The following COG5 variants were observed in gnomAD, a reference collection of about 807,000 sequenced individuals.
COG5 encodes component of oligomeric golgi complex 5.
Under a neutral mutation model 110.4 loss-of-function variants are expected in COG5, and 86 were observed. The observed-to-expected ratio is 0.78, with a 90% CI of 0.65 to 0.93. The LOEUF is 0.93. Ranked by LOEUF, COG5 falls within the 40% of genes least tolerant of loss-of-function variation. The pLI is 0.00. For synonymous variants in COG5, 360 were observed against 334.6 expected, an observed-to-expected ratio of 1.08 and a Z score of -0.83; for missense variants, 1,077 against 987.0, an observed-to-expected ratio of 1.09 and a Z score of -1.22.
At chr7:107,415,350 C>G (rs530373632) in intron 6 of COG5, among the ~76,000 whole-genome samples, 1 of 151,978 alleles carries the variant, frequency 6.6e-6, no homozygotes, top group South Asian at 2.1e-4. Flanking sequence ...CTGAAAAAGA[C>G]TGAAAAGTTT....
intron 6 of COG5, among the ~76,000 whole-genome samples, chr7:107,430,022 C>T (rs139147205): frequency 7.9e-5 from 12 of 152,288 alleles, no homozygotes; most frequent in African/African-American, 2.6e-4. Context: ...GTGTCAGATA[C>T]ATGATTTAAA....
chr7:107,362,474 T>C (rs1238534711), intron 8 of COG5, 54 bp from the exon 9 acceptor site: 4 of 1,017,006 alleles, frequency 3.9e-6, no homozygotes, highest in African/African-American at 3.2e-5. Context: ...AAGGCAAATA[T>C]ATATATATAT....
intron 11 of COG5, among the ~76,000 whole-genome samples, chr7:107,319,200 A>C (rs905748179): frequency 4.0e-5 from 6 of 151,390 alleles, no homozygotes; most frequent in Admixed American, 1.3e-4. Context: ...CTGTCCATTT[A>C]TCTCATTATA....
At chr7:107,500,495 T>C (rs1360508185) in intron 6 of COG5, among the ~76,000 whole-genome samples, 1 of 152,182 alleles carries the variant, frequency 6.6e-6, no homozygotes, top group African/African-American at 2.4e-5. Context: ...CCATAAGATA[T>C]ATCCCTAGAT....
chr7:107,240,981 G>T (rs1801577915), intron 17 of COG5, among the ~76,000 whole-genome samples: 1 of 152,140 alleles, frequency 6.6e-6, no homozygotes, highest in South Asian at 2.1e-4. Flanking sequence ...AAAAAAATAC[G>T]GACAATGTTA....
At chr7:107,423,422 T>G (rs1254543751) in intron 6 of COG5, among the ~76,000 whole-genome samples, 4 of 152,120 alleles carry the variant, frequency 2.6e-5, no homozygotes, top group African/African-American at 9.7e-5. Flanking sequence ...TGAGTTGATC[T>G]AGAACATTAA....
intron 8 of COG5, among the ~76,000 whole-genome samples, chr7:107,366,076 T>C (rs1018409055): frequency 7.2e-5 from 11 of 151,962 alleles, no homozygotes; most frequent in Non-Finnish European, 1.3e-4. Context: ...GATAAACATA[T>C]ATCACCAAAG....
chr7:107,471,649 T>C (rs1423208111), intron 6 of COG5: 4 of 152,074 alleles, frequency 2.6e-5, no homozygotes, highest in African/African-American at 9.7e-5. Context: ...GTTTATACTT[T>C]CATATACCAG....
chr7:107,513,328 C>T (rs924480569), intron 6 of COG5, among the ~76,000 whole-genome samples: 6 of 151,810 alleles, frequency 4.0e-5, no homozygotes, highest in African/African-American at 1.5e-4. Flanking sequence ...CAGAGAAATG[C>T]AAATCAAAAC....
intron 6 of COG5, among the ~76,000 whole-genome samples, chr7:107,442,870 T>G (rs1029499483): frequency 2.6e-5 from 4 of 152,142 alleles, no homozygotes; most frequent in Non-Finnish European, 5.9e-5. Context: ...TGTAATAAAA[T>G]AGCTGACCTA....
chr7:107,391,338 A>T (rs1169231707), intron 7 of COG5, among the ~76,000 whole-genome samples: 2 of 151,868 alleles, frequency 1.3e-5, no homozygotes, highest in Admixed American at 6.6e-5. Context: ...TGCGGGAGGG[A>T]CCCCTGCAGA....
rs557015604 is a variant in COG5, at chr7:107,264,801, A to G, written c.1576-6418T>C. Among the ~76,000 whole-genome samples the G allele has an allele frequency of 2.0e-5, 3 of 152,264 alleles. No homozygotes were observed. In the South Asian group the frequency reaches 6.2e-4, roughly 32 times the overall value. The stretch of plus-strand genomic sequence containing the variant: ...ATTTATAAAACTGAGAAATCATAAA[A>G]CCCTACATGTCTAAGAATAAGGGAA... On this transcript the variant is annotated intron_variant, in intron 14 of 21. Coordinates refer to ENST00000297135, the MANE Select transcript of COG5 (RefSeq NM_006348.5).
intron 10 of COG5, among the ~76,000 whole-genome samples, chr7:107,361,669 C>T (rs1298865205): frequency 6.6e-6 from 1 of 152,194 alleles, no homozygotes; most frequent in Non-Finnish European, 1.5e-5. Context: ...TGAAGCAATT[C>T]TCCTGCCTCA....
chr7:107,209,927 G>A (rs184622287), intron 21 of COG5: 1 of 986,446 alleles, frequency 1.0e-6, no homozygotes, highest in Non-Finnish European at 1.2e-6. Context: ...GCAGTTGCAG[G>A]GAAGAGTGTT....
chr7:107,263,061 T>C (rs1294556512), intron 14 of COG5, among the ~76,000 whole-genome samples: 1 of 152,198 alleles, frequency 6.6e-6, no homozygotes, highest in Non-Finnish European at 1.5e-5. Flanking sequence ...AAGGAACAGA[T>C]TAGCATTTAG....
intron 14 of COG5, among the ~76,000 whole-genome samples, chr7:107,269,642 A>C (rs970976203): frequency 2.0e-5 from 3 of 152,172 alleles, no homozygotes; most frequent in African/African-American, 7.2e-5. Flanking sequence ...TCTATGTTCC[A>C]TATTAGTCAC....
At position 107,246,155 on chromosome 7, in the gene COG5, TA is replaced by T. The variant is rs371352563; in HGVS notation, c.1853+2240del. ...AAGAAATGGTGCTGGGCTAACTGGC[TA>T]GTCATACACAGAAGATTGAAACTGG... On this transcript the variant is annotated intron_variant, in intron 17 of 21. Transcript: ENST00000297135. Among the ~76,000 whole-genome samples, 24 of 152,322 alleles carry T rather than the reference TA, an allele frequency of 1.6e-4. No homozygotes were observed. The East Asian group carries it at 3.3e-3, about 21-fold the overall frequency.
chr7:107,264,617 C>T (rs1375577028), intron 14 of COG5, among the ~76,000 whole-genome samples: 3 of 152,014 alleles, frequency 2.0e-5, no homozygotes, highest in Non-Finnish European at 4.4e-5. Flanking sequence ...GGTGTGAGCC[C>T]AAGAGGTGGA....
Position 107,372,643 on chromosome 7 carries a change from C to A in COG5, c.787G>T (p.Ala263Ser), listed in dbSNP as rs773613017. 2 of 1,613,554 alleles carry A rather than the reference C, an allele frequency of 1.2e-6. No homozygotes were observed. The highest frequency in any genetic ancestry group is 1.7e-6 in the Non-Finnish European group (2 of 1,179,800). Residue 263 changes from alanine (A) to serine (S), a missense_variant, in exon 8 of 22, where the codon GCA becomes TCA. Transcript: ENST00000297135. Reference protein sequence around the residue: ...CATLEENINSALDIKVLTQPS... With the variant: ...CATLEENINSSLDIKVLTQPS... Reference sequence around the variant, plus strand: ...TGAGTCAAAACTTTTATGTCTAATGCACTGTTGATATTTTCTTCTAAAGTA... The same window carrying A: ...TGAGTCAAAACTTTTATGTCTAATGAACTGTTGATATTTTCTTCTAAAGTA...
Sources: allele counts gnomAD v4.1 joint callset (sites outside exome capture counted in the v4.1 genomes callset), GRCh38; gene constraint gnomAD v4.1.1; transcripts MANE v1.5; gene names NCBI Gene and HGNC (gene_info 2026-07-23, HGNC 2026-07-21).